WWOX: variants seen among roughly 807,000 people sequenced by gnomAD.
WWOX encodes WW domain-containing oxidoreductase.
WWOX carries 69 observed loss-of-function variants against 46.2 expected under a neutral mutation model. That is an observed-to-expected ratio of 1.49 (90% CI 1.23 to 1.82). WWOX has a LOEUF of 1.82. Among genes scored for constraint, WWOX ranks in the 40% most tolerant of loss-of-function variants. WWOX has a pLI of 0.00. For missense variants in WWOX, 919 were observed against 542.6 expected (o/e 1.69, Z -6.89); for synonymous variants, 359 against 202.6 (o/e 1.77, Z -6.56).
At chr16:78,285,730 C>T (rs1275803412) in intron 5 of WWOX, among the ~76,000 whole-genome samples, 1 of 152,144 alleles carries the variant, frequency 6.6e-6, no homozygotes, top group Non-Finnish European at 1.5e-5. Context: ...TGTGCAGCAA[C>T]CTTTGCGCCT....
intron 8 of WWOX, among the ~76,000 whole-genome samples, chr16:79,045,779 CCTTTTTTTTTTTT>C (rs2048053371): frequency 1.8e-5 from 1 of 55,674 alleles, no homozygotes; most frequent in Non-Finnish European, 4.3e-5. Flanking sequence ...TTTTTCTTTT[CCTTTTTTTTTTTT>C]TTTTTTTTTT....
intron 5 of WWOX, among the ~76,000 whole-genome samples, chr16:78,281,991 TC>T (rs2079687224): frequency 2.6e-5 from 4 of 152,098 alleles, no homozygotes; most frequent in Admixed American, 2.6e-4. Flanking sequence ...CTTGGCTTGT[TC>T]CCCCAGTGAC....
intron 8 of WWOX, among the ~76,000 whole-genome samples, chr16:78,990,511 T>C (rs931371380): frequency 2.6e-5 from 4 of 152,200 alleles, no homozygotes; most frequent in Non-Finnish European, 5.9e-5. Context: ...ATTCTATCAA[T>C]GCCAAAATGC....
At chr16:78,866,409 C>A (rs1417235426) in intron 8 of WWOX, among the ~76,000 whole-genome samples, 1 of 151,444 alleles carries the variant, frequency 6.6e-6, no homozygotes, top group South Asian at 2.1e-4. Flanking sequence ...GGGAAGAAAT[C>A]ATTGAGACTG....
rs145723642 is a variant in WWOX at position 78,314,243 on chromosome 16, A to G, written c.517-72617A>G. Among the ~76,000 whole-genome samples the G allele has an allele frequency of 9.4e-3, 1,433 of 151,816 alleles. 78 individuals carry two copies. The highest frequency in any genetic ancestry group is 0.085 in the Admixed American group (1,304 of 15,258). On this transcript the variant is annotated intron_variant, in intron 5 of 8. Coordinates refer to ENST00000566780, the MANE Select transcript of WWOX (RefSeq NM_016373.4). Reference sequence around the variant, plus strand: ...AACACAGTGAAACCCCGTCTCTACTAAAAATACAAAAAAAATTAGCCAGGC... The same window carrying G: ...AACACAGTGAAACCCCGTCTCTACTGAAAATACAAAAAAAATTAGCCAGGC...
intron 8 of WWOX, among the ~76,000 whole-genome samples, chr16:78,913,884 G>T (rs1044383780): frequency 3.9e-5 from 6 of 151,906 alleles, no homozygotes; most frequent in Non-Finnish European, 7.4e-5. Flanking sequence ...TGGTCTCAAA[G>T]TCCTGGCCTC....
At chr16:78,501,193 C>CTCTTTTTTTTTTTTTTTTTTTTTT (rs1567609023) in intron 8 of WWOX, among the ~76,000 whole-genome samples, 4 of 90,950 alleles carry the variant, frequency 4.4e-5, no homozygotes, top group African/African-American at 6.7e-5. Context: ...CTTTCTTTCT[C>CTCTTTTTTTTTTTTTTTTTTTTTT]TTTTTTTTTT....
At chr16:78,901,582 G>C (rs905604868) in intron 8 of WWOX, among the ~76,000 whole-genome samples, 4 of 152,146 alleles carry the variant, frequency 2.6e-5, no homozygotes, top group Admixed American at 2.6e-4. Context: ...GTGCTTCCCA[G>C]ACTCAAGTCA....
At chr16:78,994,605 C>T (rs145353819) in intron 8 of WWOX, among the ~76,000 whole-genome samples, 1 of 152,166 alleles carries the variant, frequency 6.6e-6, no homozygotes, top group Non-Finnish European at 1.5e-5. Flanking sequence ...ACCTTGCAGG[C>T]GCAAACTCCC....
intron 8 of WWOX, among the ~76,000 whole-genome samples, chr16:79,159,606 T>C (rs1454877528): frequency 6.6e-6 from 1 of 152,210 alleles, no homozygotes; most frequent in African/African-American, 2.4e-5. Flanking sequence ...TCAGGGTAGC[T>C]GATGAGTCCC....
At chr16:78,832,990 G>A (rs1454811039) in intron 8 of WWOX, among the ~76,000 whole-genome samples, 2 of 151,222 alleles carry the variant, frequency 1.3e-5, no homozygotes, top group Non-Finnish European at 1.5e-5. Flanking sequence ...CAGTTGGTGG[G>A]ATATAGAAAA....
At chr16:78,606,313 A>T (rs962624374) in intron 8 of WWOX, among the ~76,000 whole-genome samples, 1 of 152,226 alleles carries the variant, frequency 6.6e-6, no homozygotes, top group African/African-American at 2.4e-5. Flanking sequence ...ATCATTTTAA[A>T]ATTGTTTCTC....
intron 8 of WWOX, among the ~76,000 whole-genome samples, chr16:79,095,286 C>A (rs975019067): frequency 6.6e-6 from 1 of 152,194 alleles, no homozygotes; most frequent in African/African-American, 2.4e-5. Context: ...ATGGACCCTG[C>A]ATTTATAGCT....
Position 79,024,456 on chromosome 16 carries a change from C to T in WWOX, c.1057-187152C>T, listed in dbSNP as rs112730793. Among the ~76,000 whole-genome samples, 954 of 151,948 alleles carry T rather than the reference C, an allele frequency of 6.3e-3. 3 individuals are homozygous for T. The highest frequency in any genetic ancestry group is 0.014 in the Middle Eastern group (4 of 294). ...AAATTTTTTTTTCTTTGTTTTGAGACGGAGTTTTGCTCTGTTGCCCAGGCT... is the reference window on the plus strand; with the variant it reads ...AAATTTTTTTTTCTTTGTTTTGAGATGGAGTTTTGCTCTGTTGCCCAGGCT... On this transcript the variant is annotated intron_variant, in intron 8 of 8. Coordinates refer to ENST00000566780, the MANE Select transcript of WWOX (RefSeq NM_016373.4).
intron 5 of WWOX, chr16:78,264,883 T>A (rs1419056675): frequency 6.6e-6 from 1 of 152,042 alleles, no homozygotes; most frequent in Non-Finnish European, 1.5e-5. Flanking sequence ...AAGAAATCAG[T>A]CAGTATCTTT....
Position 78,647,552 on chromosome 16 carries a change from T to C in WWOX, c.1056+214800T>C, listed in dbSNP as rs1164337396. Among the ~76,000 whole-genome samples the C allele has an allele frequency of 2.0e-5, 3 of 152,160 alleles. No individual in the cohort carries two copies. The East Asian group carries it at 5.8e-4, about 29-fold the overall frequency. ...TATGCTAAGCCTAATCTCCATCTTC[T>C]CAAAGCTCCACTGCCACTGTCCCGT... On this transcript the variant is annotated intron_variant, in intron 8 of 8. Transcript: ENST00000566780.
At chr16:78,367,548 G>A (rs537482828) in intron 5 of WWOX, among the ~76,000 whole-genome samples, 2 of 152,160 alleles carry the variant, frequency 1.3e-5, no homozygotes, top group African/African-American at 2.4e-5. Flanking sequence ...CAGAAAAAAG[G>A]TGTAAAAGGC....
At chr16:78,427,135 G>A (rs2083099874) in intron 7 of WWOX, among the ~76,000 whole-genome samples, 2 of 152,156 alleles carry the variant, frequency 1.3e-5, no homozygotes, top group Admixed American at 1.3e-4. Context: ...CCTAAACCAT[G>A]CTGTAAAATG....
intron 7 of WWOX, among the ~76,000 whole-genome samples, chr16:78,427,703 A>C (rs1255743481): frequency 6.6e-6 from 1 of 152,136 alleles, no homozygotes; most frequent in African/African-American, 2.4e-5. Context: ...GCTTGAGCCC[A>C]GGAGTTTGAG....
Sources: gnomAD v4.1 joint callset for allele counts (sites outside exome capture counted in the v4.1 genomes callset) on GRCh38, gnomAD v4.1.1 for gene constraint, MANE v1.5 for transcripts, NCBI Gene and HGNC (gene_info 2026-07-23, HGNC 2026-07-21) for gene names.